The following FMO5 variants were observed in gnomAD, a reference collection of about 807,000 sequenced individuals.
FMO5 encodes flavin containing dimethylaniline monoxygenase 5, also known as flavin-containing monooxygenase 5.
A neutral mutation model predicts 43.6 loss-of-function variants in FMO5; 51 were observed. The ratio of observed to expected loss-of-function variants is 1.17; its 90% CI spans 0.93 to 1.48. The LOEUF (loss-of-function observed/expected upper bound fraction) is 1.48, where lower values mean the gene tolerates loss of function less well. Ranked by LOEUF, FMO5 falls within the 40% of genes most tolerant of loss-of-function variation. The pLI is 0.00. For synonymous variants in FMO5, 187 were observed against 216.5 expected (o/e 0.86, Z 1.20); for missense variants, 644 against 643.0 (o/e 1.00, Z -0.02).
intron 2 of FMO5, among the ~76,000 whole-genome samples, chr1:147,217,243 A>AAAAAAG (rs781844809): frequency 2.0e-5 from 3 of 151,410 alleles, no homozygotes; most frequent in Non-Finnish European, 2.9e-5. Flanking sequence ...CCGTCTACAA[A>AAAAAAG]AAAAAGAAAA....
chr1:147,208,037 G>T (rs1282269333), intron 6 of FMO5, among the ~76,000 whole-genome samples: 2 of 152,134 alleles, frequency 1.3e-5, no homozygotes, highest in Non-Finnish European at 2.9e-5. Context: ...CCTCCTCACT[G>T]TGAAACAAAA....
intron 6 of FMO5, chr1:147,208,625 G>C (rs1660535638): frequency 5.2e-6 from 2 of 387,746 alleles, no homozygotes; most frequent in South Asian, 4.7e-5. Context: ...TTTTAGTAGA[G>C]ATGGGGTTTC....
rs139565537 is a variant in FMO5, at chr1:147,222,413, G to T, written c.135+2482C>A. On this transcript the variant is annotated intron_variant, in intron 2 of 8. Transcript: ENST00000254090. The stretch of plus-strand genomic sequence containing the variant: ...CAGGGGATGGAAGTTGGGGAAATTG[G>T]AACTGATGGGATTGGAAGAAGTAAT... Among the ~76,000 whole-genome samples, 304 of 152,142 alleles carry T rather than the reference G, an allele frequency of 2.0e-3. 2 individuals carry two copies. The highest frequency in any genetic ancestry group is 6.7e-3 in the African/African-American group (280 of 41,506).
At chr1:147,222,331 A>G (rs1333486378) in intron 2 of FMO5, among the ~76,000 whole-genome samples, 1 of 152,168 alleles carries the variant, frequency 6.6e-6, no homozygotes, top group Non-Finnish European at 1.5e-5. Context: ...TCACGCCACT[A>G]TACTCCAGCC....
At position 147,203,343 on chromosome 1, in the gene FMO5, C is replaced by T. The variant is rs1659387693; in HGVS notation, c.831-1839G>A. 4.8e-6 allele frequency: 7 copies of T among 1,470,362 alleles called. No homozygotes were observed. In the South Asian group the frequency reaches 5.7e-5, roughly 12 times the overall value. 91.1% of individuals were successfully genotyped at this position (1,470,362 alleles called of 1,614,324 possible). A position where few individuals can be genotyped will look rare whatever the true frequency, so the allele number is the denominator to read the frequency against. ...GCTTGGGCCCACCATCTGGTTTTGC[C>T]ATGATTACCTGACCCACTCTAAGTA... On this transcript the variant is annotated intron_variant, in intron 6 of 8. Coordinates refer to ENST00000254090, the MANE Select transcript of FMO5 (RefSeq NM_001461.4).
At chr1:147,193,787 G>A (rs1340432220) in intron 7 of FMO5, among the ~76,000 whole-genome samples, 3 of 152,144 alleles carry the variant, frequency 2.0e-5, no homozygotes, top group Non-Finnish European at 2.9e-5. Flanking sequence ...TCAGGAGCAG[G>A]TTGTTCAGTT....
chr1:147,197,282 G>A (rs1658170566), intron 7 of FMO5, among the ~76,000 whole-genome samples: 1 of 152,142 alleles, frequency 6.6e-6, no homozygotes, highest in African/African-American at 2.4e-5. Flanking sequence ...GTAGTTGTAG[G>A]GAGAATTGGG....
At chr1:147,203,677 T>C (rs183434925) in intron 6 of FMO5, 2 of 1,465,996 alleles carry the variant, frequency 1.4e-6, no homozygotes, top group East Asian at 4.5e-5. Context: ...TCTGTTTGGC[T>C]AATTCAATTT....
chr1:147,221,948 G>C (rs1553926367), intron 2 of FMO5, among the ~76,000 whole-genome samples: 4 of 152,338 alleles, frequency 2.6e-5, no homozygotes, highest in African/African-American at 9.6e-5. Flanking sequence ...AGAAGAAAAA[G>C]AAGCTTCTGC....
At chr1:147,206,350 A>T (rs184692812) in intron 6 of FMO5, among the ~76,000 whole-genome samples, 5,723 of 152,260 alleles carry the variant, frequency 0.038, 148 homozygotes, top group South Asian at 0.095. Context: ...ATTGTGGAAG[A>T]CAGTGTGGCG....
At position 147,201,371 on chromosome 1, in the gene FMO5, C is replaced by T; in HGVS notation, c.964G>A (p.Asp322Asn). ...AIFEDGSRED[D>N]IDAVIFATGY... ...GTGGCAAAGATAACAGCATCAATGTCATCCTCCCTGGAGCCATCCTCAAAT... is the reference window on the plus strand; with the variant it reads ...GTGGCAAAGATAACAGCATCAATGTTATCCTCCCTGGAGCCATCCTCAAAT... Residue 322 changes from aspartate to asparagine, a missense_variant, in exon 7 of 9, where the codon GAC becomes AAC. Transcript: ENST00000254090. 1.9e-6 allele frequency: 3 copies of T among 1,614,164 alleles called. No homozygotes were observed. Among genetic ancestry groups the T allele is most frequent in the East Asian group, 2.2e-5 (1 of 44,866 alleles).
chr1:147,187,332 G>A, intron 8 of FMO5, 87 bp from the exon 9 acceptor site: 1 of 900,328 alleles, frequency 1.1e-6, no homozygotes, highest in Non-Finnish European at 1.7e-6. Flanking sequence ...CCTGCTATTG[G>A]CTCAATATCA....
chr1:147,195,805 C>T (rs1450184870), intron 7 of FMO5, among the ~76,000 whole-genome samples: 3 of 152,120 alleles, frequency 2.0e-5, no homozygotes, highest in Admixed American at 1.3e-4. Context: ...TTACCTGATA[C>T]AAGCATTCTT....
intron 6 of FMO5, among the ~76,000 whole-genome samples, chr1:147,206,885 TA>T (rs782203510): frequency 6.6e-6 from 1 of 151,930 alleles, no homozygotes; most frequent in South Asian, 2.1e-4. Context: ...TATACATATA[TA>T]ACAAACCTGC....
intron 6 of FMO5, chr1:147,203,918 G>A (rs1659498320): frequency 9.2e-6 from 14 of 1,528,042 alleles, no homozygotes; most frequent in Non-Finnish European, 1.3e-5. Flanking sequence ...TTCAAGGACA[G>A]GAGGTGTCAA....
At chr1:147,220,795 C>T (rs6658763) in intron 2 of FMO5, among the ~76,000 whole-genome samples, 13,317 of 152,054 alleles carry the variant, frequency 0.088, 666 homozygotes, top group East Asian at 0.16. Flanking sequence ...TTGTAACAAA[C>T]TTTCATATGT....
chr1:147,223,388 C>T (rs1216124255), intron 2 of FMO5, among the ~76,000 whole-genome samples: 3 of 152,122 alleles, frequency 2.0e-5, no homozygotes, highest in Non-Finnish European at 4.4e-5. Context: ...GATTGTATTT[C>T]GGTTCAACTA....
In FMO5 at chr1:147,213,300, C is replaced by G; in HGVS notation, c.487+8G>C. 2 of 1,597,082 alleles carry G rather than the reference C, an allele frequency of 1.3e-6. No individual in the cohort carries two copies. The highest frequency in any genetic ancestry group is 1.7e-6 in the Non-Finnish European group (2 of 1,171,290). On this transcript the variant is annotated splice_region_variant and intron_variant, in intron 4 of 8. Coordinates refer to ENST00000254090, the MANE Select transcript of FMO5 (RefSeq NM_001461.4). ...GTCAAGGGTCTTCCTTCCTGGTAAG[C>G]TGCTCACCAGGGAAGCTTTCCAGAG...
Position 147,194,827 on chromosome 1 carries a change from A to G in FMO5, c.1184-4578T>C, listed in dbSNP as rs587614009. On this transcript the variant is annotated intron_variant, in intron 7 of 8. Coordinates refer to ENST00000254090, the MANE Select transcript of FMO5 (RefSeq NM_001461.4). Reference sequence around the variant, plus strand: ...AAATTCTTTTCTTTAAGAATGTTGAATATTGGCCCCCACTCTCTTCTGGCT... The same window carrying G: ...AAATTCTTTTCTTTAAGAATGTTGAGTATTGGCCCCCACTCTCTTCTGGCT... Among the ~76,000 whole-genome samples, 9 of 152,130 alleles carry G rather than the reference A, an allele frequency of 5.9e-5. No homozygotes were observed. In the East Asian group the frequency reaches 1.7e-3, roughly 29 times the overall value.
Sources: allele counts gnomAD v4.1 joint callset (sites outside exome capture counted in the v4.1 genomes callset), GRCh38; gene constraint gnomAD v4.1.1; transcripts MANE v1.5; gene names NCBI Gene and HGNC (gene_info 2026-07-23, HGNC 2026-07-21).